The following LYPD6 variants were observed in gnomAD, a reference collection of about 807,000 sequenced individuals.
LYPD6 encodes the protein ly6/PLAUR domain-containing protein 6.
A neutral mutation model predicts 22.7 loss-of-function variants in LYPD6; 15 were observed. The ratio of observed to expected loss-of-function variants is 0.66; its 90% CI spans 0.44 to 1.02. The LOEUF (loss-of-function observed/expected upper bound fraction) is 1.02, where lower values mean the gene tolerates loss of function less well. LYPD6 is among the 50% of genes least tolerant of loss of function. The pLI, the probability that LYPD6 is intolerant of heterozygous loss-of-function variation, is 0.00. For synonymous variants in LYPD6, 72 were observed against 77.5 expected, an observed-to-expected ratio of 0.93 and a Z score of 0.37; for missense variants, 189 against 208.4, an observed-to-expected ratio of 0.91 and a Z score of 0.57.
At chr2:149,371,082 A>G (rs544285071) in intron 1 of LYPD6, among the ~76,000 whole-genome samples, 1 of 152,300 alleles carries the variant, frequency 6.6e-6, no homozygotes, top group Non-Finnish European at 1.5e-5. Flanking sequence ...TCTTTTTATA[A>G]GTGAGAGGAT....
intron 1 of LYPD6, among the ~76,000 whole-genome samples, chr2:149,433,618 G>A (rs1346966411): frequency 2.0e-5 from 3 of 152,022 alleles, no homozygotes; most frequent in African/African-American, 7.3e-5. Flanking sequence ...TGGCCATTTG[G>A]GTTTTTTAGC....
chr2:149,480,032 T>G, the LYPD6 span, among the ~76,000 whole-genome samples: 1 of 146,544 alleles, frequency 6.8e-6, no homozygotes. Flanking sequence ...TTTTTTTTTT[T>G]GTTTTGAGAT....
intron 3 of LYPD6, among the ~76,000 whole-genome samples, chr2:149,462,331 G>A (rs1369789254): frequency 6.6e-6 from 1 of 151,822 alleles, no homozygotes; most frequent in Non-Finnish European, 1.5e-5. Flanking sequence ...ATATTGCTCA[G>A]AAGAATTAAA....
At chr2:149,381,646 G>C (rs1280319839) in intron 1 of LYPD6, among the ~76,000 whole-genome samples, 1 of 152,210 alleles carries the variant, frequency 6.6e-6, no homozygotes, top group African/African-American at 2.4e-5. Context: ...GAGAGCACGA[G>C]TGGACTAATG....
chr2:149,398,063 A>T (rs1682464275), intron 1 of LYPD6, among the ~76,000 whole-genome samples: 1 of 152,214 alleles, frequency 6.6e-6, no homozygotes, highest in African/African-American at 2.4e-5. Context: ...CAAGATAAAC[A>T]TGTAAACACA....
chr2:149,441,232 G>A (rs1683562210), intron 2 of LYPD6, among the ~76,000 whole-genome samples: 1 of 152,126 alleles, frequency 6.6e-6, no homozygotes, highest in African/African-American at 2.4e-5. Flanking sequence ...TGAATTATTT[G>A]TATAGTCACC....
chr2:149,343,431 A>C (rs1479687977), intron 1 of LYPD6, among the ~76,000 whole-genome samples: 1 of 152,190 alleles, frequency 6.6e-6, no homozygotes, highest in Admixed American at 6.5e-5. Flanking sequence ...TCTGCCTTAA[A>C]TTATCTTCCA....
At chr2:149,349,950 A>G (rs1681328210) in intron 1 of LYPD6, among the ~76,000 whole-genome samples, 1 of 152,072 alleles carries the variant, frequency 6.6e-6, no homozygotes, top group South Asian at 2.1e-4. Flanking sequence ...AACCTGAAAA[A>G]AAAATATATA....
At chr2:149,484,359 T>C in the LYPD6 span, among the ~76,000 whole-genome samples, 3 of 152,180 alleles carry the variant, frequency 2.0e-5, no homozygotes, top group Admixed American at 2.0e-4. Context: ...TGGGGTATGT[T>C]TAATTTTACA....
chr2:149,419,442 C>T (rs1473212710), intron 1 of LYPD6, among the ~76,000 whole-genome samples: 1 of 152,182 alleles, frequency 6.6e-6, no homozygotes, highest in East Asian at 1.9e-4. Flanking sequence ...GTACTGTAGC[C>T]ACTGGCCACA....
At chr2:149,397,573 T>A (rs1345875521) in intron 1 of LYPD6, among the ~76,000 whole-genome samples, 1 of 152,212 alleles carries the variant, frequency 6.6e-6, no homozygotes, top group Non-Finnish European at 1.5e-5. Flanking sequence ...ATAGACAAAC[T>A]ACCACAATAA....
chr2:149,463,033 A>G (rs777982947), intron 3 of LYPD6, among the ~76,000 whole-genome samples: 3 of 152,220 alleles, frequency 2.0e-5, no homozygotes, highest in East Asian at 1.9e-4. Context: ...AGAAAAAATA[A>G]TAAATTAGAC....
At chr2:149,334,053 A>G (rs907597973) in intron 1 of LYPD6, among the ~76,000 whole-genome samples, 1 of 152,184 alleles carries the variant, frequency 6.6e-6, no homozygotes, top group African/African-American at 2.4e-5. Context: ...GATAAGAAAA[A>G]CAAGTCTTGT....
intron 1 of LYPD6, among the ~76,000 whole-genome samples, chr2:149,332,068 A>G (rs1437506271): frequency 2.0e-5 from 3 of 152,374 alleles, no homozygotes; most frequent in Admixed American, 6.5e-5. Context: ...TATTTGTGCA[A>G]TCGCCCATGA....
intron 1 of LYPD6, among the ~76,000 whole-genome samples, chr2:149,431,213 G>A (rs142004896): frequency 3.3e-5 from 5 of 152,178 alleles, no homozygotes; most frequent in African/African-American, 1.2e-4. Flanking sequence ...AAAGAGAACC[G>A]TATTCAGGGA....
intron 1 of LYPD6, among the ~76,000 whole-genome samples, chr2:149,333,087 C>T (rs1680969784): frequency 6.6e-6 from 1 of 152,090 alleles, no homozygotes; most frequent in African/African-American, 2.4e-5. Flanking sequence ...CTCATTAGTG[C>T]TATTCTTATT....
At chr2:149,430,319 C>G (rs1449294534) in intron 1 of LYPD6, among the ~76,000 whole-genome samples, 1 of 152,150 alleles carries the variant, frequency 6.6e-6, no homozygotes, top group Admixed American at 6.5e-5. Context: ...AGACTGGTCT[C>G]AAACTCCTGA....
chr2:149,449,129 G>A lies in LYPD6; in HGVS notation c.199G>A (p.Asp67Asn). 6.2e-7 allele frequency: 1 copy of A among 1,612,526 alleles called. No individual in the cohort carries two copies. Among genetic ancestry groups the A allele is most frequent in the South Asian group, 1.1e-5 (1 of 90,758 alleles). Residue 67 changes from aspartate (D) to asparagine (N), a missense_variant, in exon 3 of 5, where the codon GAC (aspartate) becomes AAC (asparagine). Physicochemically the swap from Asp to Asn is conservative, Grantham distance 23. Transcript: ENST00000334166. ...DNYECNRWAPDIYCPRETRYC... is the reference protein window; with the variant it reads ...DNYECNRWAPNIYCPRETRYC... The stretch of plus-strand genomic sequence containing the variant: ...TTATGAGTGCAACCGATGGGCTCCA[G>A]ACATCTACTGCCCTCGAGGTAAACT...
chr2:149,388,138 A>G (rs1419041101), intron 1 of LYPD6, among the ~76,000 whole-genome samples: 10 of 151,596 alleles, frequency 6.6e-5, no homozygotes, highest in Non-Finnish European at 2.9e-5. Flanking sequence ...TTTCATTTAG[A>G]TAATTAAATA....
Sources: allele counts gnomAD v4.1 joint callset (sites outside exome capture counted in the v4.1 genomes callset), GRCh38; gene constraint gnomAD v4.1.1; transcripts MANE v1.5; gene names NCBI Gene and HGNC (gene_info 2026-07-23, HGNC 2026-07-21).